The following CFAP97D2 variants were observed in gnomAD, a reference collection of about 807,000 sequenced individuals.
CFAP97D2 encodes the protein uncharacterized protein CFAP97D2.
At chr13:114,193,562 C>G (rs1178882373) in intron 1 of CFAP97D2, among the ~76,000 whole-genome samples, 1 of 152,144 alleles carries the variant, frequency 6.6e-6, no homozygotes, top group Non-Finnish European at 1.5e-5. Context: ...AGACCCCACT[C>G]CCAAAAGCCC....
intron 1 of CFAP97D2, among the ~76,000 whole-genome samples, chr13:114,191,868 C>T (rs1268871690): frequency 6.6e-6 from 1 of 152,034 alleles, no homozygotes; most frequent in Admixed American, 6.6e-5. Context: ...AACCACGGTA[C>T]ACCCAGACAA....
chr13:114,212,222 A>G, intron 4 of CFAP97D2: 1 of 397,150 alleles, frequency 2.5e-6, no homozygotes, highest in Non-Finnish European at 4.4e-6. Context: ...CATTTTGTTC[A>G]ATTGTCAGCA....
intron 1 of CFAP97D2, among the ~76,000 whole-genome samples, chr13:114,183,975 C>A (rs1000780903): frequency 6.6e-6 from 1 of 152,118 alleles, no homozygotes; most frequent in African/African-American, 2.4e-5. Context: ...TAGCGAGACA[C>A]CTTGTCTCTA....
At chr13:114,190,841 C>T (rs996926396) in intron 1 of CFAP97D2, among the ~76,000 whole-genome samples, 7 of 152,244 alleles carry the variant, frequency 4.6e-5, no homozygotes, top group African/African-American at 1.7e-4. Flanking sequence ...AGGAAAAGAA[C>T]AAAGTTGAAG....
intron 1 of CFAP97D2, among the ~76,000 whole-genome samples, chr13:114,190,797 G>A (rs2080866736): frequency 6.6e-6 from 1 of 152,158 alleles, no homozygotes; most frequent in Non-Finnish European, 1.5e-5. Flanking sequence ...TATACGGAGA[G>A]GCAAAAGGCC....
At chr13:114,194,573 C>T (rs2080879336) in intron 1 of CFAP97D2, among the ~76,000 whole-genome samples, 1 of 152,104 alleles carries the variant, frequency 6.6e-6, no homozygotes, top group African/African-American at 2.4e-5. Context: ...CTAATAAGCA[C>T]TCTGTTGGGG....
chr13:114,181,736 T>C (rs1029204525), intron 1 of CFAP97D2, among the ~76,000 whole-genome samples: 3 of 152,082 alleles, frequency 2.0e-5, no homozygotes, highest in African/African-American at 7.2e-5. Context: ...TAAGAGGAGA[T>C]AAAATAAGAG....
chr13:114,182,726 C>A (rs1374549861), intron 1 of CFAP97D2, among the ~76,000 whole-genome samples: 2 of 152,186 alleles, frequency 1.3e-5, no homozygotes, highest in African/African-American at 4.8e-5. Context: ...GCCCTAGATC[C>A]CTTAAACCTT....
At position 114,203,892 on chromosome 13, in the gene CFAP97D2, C is replaced by A. The variant is rs145576766; in HGVS notation, c.290+3449C>A. Among the ~76,000 whole-genome samples the A allele has an allele frequency of 6.1e-3, 926 of 152,366 alleles. 21 individuals carry two copies. Among genetic ancestry groups the A allele is most frequent in the Admixed American group, 0.051 (787 of 15,310 alleles). On this transcript the variant is annotated intron_variant, in intron 3 of 4. Coordinates refer to ENST00000646158, the Ensembl canonical transcript of CFAP97D2. The surrounding 1 kb of genome is among the most constrained non-coding windows in gnomAD (Gnocchi z 4.3). ...TCAAACCCAATCTACAAATTCAATA[C>A]AATCCCAATTAGAACTCCAGCCAAC... is the stretch of plus-strand genomic sequence containing the variant.
intron 1 of CFAP97D2, among the ~76,000 whole-genome samples, chr13:114,190,863 A>G (rs2080866891): frequency 6.6e-6 from 1 of 152,226 alleles, no homozygotes; most frequent in Non-Finnish European, 1.5e-5. Flanking sequence ...ACTGAAACTC[A>G]TGGACTTTGA....
At chr13:114,181,380 T>G (rs1229742037) in intron 1 of CFAP97D2, among the ~76,000 whole-genome samples, 2 of 152,010 alleles carry the variant, frequency 1.3e-5, no homozygotes, top group African/African-American at 2.4e-5. Context: ...GGGTAGGACA[T>G]GAAACCTGGC....
rs528964102 is a variant in CFAP97D2 at position 114,186,321 on chromosome 13, C to T, written c.90+6901C>T. 9.2e-5 allele frequency among the ~76,000 whole-genome samples: 14 copies of T among 152,274 alleles called. No homozygotes were observed. The highest frequency in any genetic ancestry group is 6.2e-4 in the South Asian group (3 of 4,822). The stretch of plus-strand genomic sequence containing the variant: ...GAGAGCTGAACACTTGTCAGGATAC[C>T]GTGGCTATGGAGAGGAGCTGCCCAC... On this transcript the variant is annotated intron_variant, in intron 1 of 4. Coordinates refer to ENST00000646158, the Ensembl canonical transcript of CFAP97D2. This position sits in a 1 kb window ranked among gnomAD's most constrained non-coding sequence, Gnocchi z 4.3.
intron 3 of CFAP97D2, among the ~76,000 whole-genome samples, chr13:114,206,406 A>G (rs1468323680): frequency 6.6e-6 from 1 of 152,192 alleles, no homozygotes. Flanking sequence ...CCTGGCCAGT[A>G]GCTTTTTTTA....
At chr13:114,200,544 G>C (rs549902881) in intron 3 of CFAP97D2, 101 bp downstream of exon 3, 23 of 395,280 alleles carry the variant, frequency 5.8e-5, no homozygotes, top group African/African-American at 1.2e-4. Flanking sequence ...GGTGGGAGTC[G>C]AGGCGTTTCT....
chr13:114,217,062 T>C (rs1200630411), intron 4 of CFAP97D2, among the ~76,000 whole-genome samples: 1 of 152,236 alleles, frequency 6.6e-6, no homozygotes. Context: ...CATTTTTTCA[T>C]GTGTCTGTTG....
At chr13:114,200,186 C>T (rs994673861) in intron 2 of CFAP97D2, 139 bp from the exon 3 acceptor site, 1 of 392,920 alleles carries the variant, frequency 2.5e-6, no homozygotes, top group African/African-American at 2.1e-5. Flanking sequence ...GTTCGGTCCC[C>T]GCTGAGGCGT....
At chr13:114,221,348 A>G (rs975998337) in intron 4 of CFAP97D2, among the ~76,000 whole-genome samples, 6 of 152,254 alleles carry the variant, frequency 3.9e-5, no homozygotes, top group African/African-American at 1.4e-4. Context: ...CCATCCAGCA[A>G]CAAGCCAACA....
chr13:114,204,363 C>T (rs1366205799), intron 3 of CFAP97D2, among the ~76,000 whole-genome samples: 1 of 152,224 alleles, frequency 6.6e-6, no homozygotes, highest in Non-Finnish European at 1.5e-5. Context: ...GAAAGGCAGA[C>T]TTGTCGCTTA....
chr13:114,201,732 G>C (rs965084120), intron 3 of CFAP97D2, among the ~76,000 whole-genome samples: 1 of 152,232 alleles, frequency 6.6e-6, no homozygotes, highest in African/African-American at 2.4e-5. Flanking sequence ...TTTCAGGGGA[G>C]TCTCAGCTGC....
Sources: gnomAD v4.1 joint callset for allele counts (sites outside exome capture counted in the v4.1 genomes callset) on GRCh38, gnomAD v4.1.1 for gene constraint, Gnocchi (gnomAD v3.1) non-coding constraint, MANE v1.5 for transcripts, NCBI Gene and HGNC (gene_info 2026-07-23, HGNC 2026-07-21) for gene names.